RARB: variants seen among roughly 807,000 people sequenced by gnomAD.
RARB encodes the protein HBV-activated protein.
A neutral mutation model predicts 51.9 loss-of-function variants in RARB; 17 were observed. The observed-to-expected ratio is 0.33, with a 90% CI of 0.22 to 0.49. RARB has a LOEUF of 0.49. RARB is among the 20% of genes least tolerant of loss of function. RARB has a pLI of 0.99. For synonymous variants in RARB, 215 were observed against 195.4 expected, an observed-to-expected ratio of 1.10 and a Z score of -0.84; for missense variants, 369 against 550.8, an observed-to-expected ratio of 0.67 and a Z score of 3.30.
intron 2 of RARB, among the ~76,000 whole-genome samples, chr3:24,890,682 G>A (rs1703360825): frequency 6.6e-6 from 1 of 152,158 alleles, no homozygotes; most frequent in Non-Finnish European, 1.5e-5. Flanking sequence ...GAAGAAACCT[G>A]GCTGAATAGA....
chr3:25,328,455 G>C (rs977534002), intron 5 of RARB, among the ~76,000 whole-genome samples: 5 of 152,242 alleles, frequency 3.3e-5, no homozygotes, highest in Admixed American at 1.3e-4. Context: ...AAGAAGCAGA[G>C]GTTGCAGTGA....
intron 2 of RARB, among the ~76,000 whole-genome samples, chr3:24,936,460 A>G (rs1191727294): frequency 6.6e-6 from 1 of 152,224 alleles, no homozygotes; most frequent in Non-Finnish European, 1.5e-5. Flanking sequence ...TTTTCATATT[A>G]GGTTAACCAA....
chr3:25,294,052 A>T (rs1042594873), intron 5 of RARB, among the ~76,000 whole-genome samples: 14 of 152,172 alleles, frequency 9.2e-5, no homozygotes, highest in South Asian at 8.3e-4. Context: ...GGGGATGTTC[A>T]CCGAAGGATT....
rs1450166546 is a variant in RARB, at chr3:25,594,773, T to A, written c.1150+95T>A. 6 of 1,193,342 alleles carry A rather than the reference T, an allele frequency of 5.0e-6. No homozygotes were observed. The Admixed American group carries it at 8.9e-5, about 18-fold the overall frequency. The allele number at this position is 1,193,342 out of a possible 1,614,324, so 73.9% of individuals were successfully genotyped here. A position where few individuals can be genotyped will look rare whatever the true frequency, so the allele number is the denominator to read the frequency against. On this transcript the variant is annotated intron_variant, in intron 7 of 7. Coordinates refer to ENST00000330688, the MANE Select transcript of RARB (RefSeq NM_000965.5). ...TATTCAATTCAGGATGTTTAATGGC[T>A]GCTTTTAAAGTCTTGGAACTCATTT...
At chr3:25,126,355 G>A (rs1466610776) in intron 3 of RARB, among the ~76,000 whole-genome samples, 1 of 152,104 alleles carries the variant, frequency 6.6e-6, no homozygotes, top group Non-Finnish European at 1.5e-5. Flanking sequence ...ACTGGAAAGG[G>A]AAAGAAATCT....
At chr3:25,450,988 G>A (rs142438375) in intron 1 of RARB, among the ~76,000 whole-genome samples, 78 of 152,312 alleles carry the variant, frequency 5.1e-4, no homozygotes, top group African/African-American at 1.7e-3. Context: ...TTGGGAGGCT[G>A]AGGCAGGAGA....
chr3:24,952,743 T>A (rs1234272156), intron 2 of RARB, among the ~76,000 whole-genome samples: 1 of 151,984 alleles, frequency 6.6e-6, no homozygotes, highest in African/African-American at 2.4e-5. Context: ...CCCTCTTTTT[T>A]TCTCCCTTTC....
At chr3:25,044,026 A>T (rs1300735613) in intron 2 of RARB, among the ~76,000 whole-genome samples, 2 of 148,768 alleles carry the variant, frequency 1.3e-5, no homozygotes, top group Admixed American at 6.7e-5. Context: ...AGGTTTTCCC[A>T]TTTTTTTTTT....
chr3:25,469,301 C>G (rs1201458273), intron 2 of RARB, among the ~76,000 whole-genome samples: 2 of 152,144 alleles, frequency 1.3e-5, no homozygotes, highest in African/African-American at 4.8e-5. Flanking sequence ...TTTTATTTGA[C>G]CAAGGCCATT....
At chr3:25,087,776 C>G (rs1317226452) in intron 3 of RARB, among the ~76,000 whole-genome samples, 1 of 151,870 alleles carries the variant, frequency 6.6e-6, no homozygotes, top group African/African-American at 2.4e-5. Flanking sequence ...AATGTTAGAT[C>G]TTAAGGATAA....
intron 3 of RARB, among the ~76,000 whole-genome samples, chr3:25,098,563 T>C (rs1248762340): frequency 1.3e-5 from 2 of 152,184 alleles, no homozygotes; most frequent in Admixed American, 6.5e-5. Context: ...TAGATCAGGA[T>C]TAACAAACTA....
At chr3:25,332,754 C>T (rs1467506275) in intron 5 of RARB, among the ~76,000 whole-genome samples, 1 of 152,174 alleles carries the variant, frequency 6.6e-6, no homozygotes, top group Non-Finnish European at 1.5e-5. Context: ...TTGCAGATGA[C>T]ATGATTGTAT....
intron 4 of RARB, among the ~76,000 whole-genome samples, chr3:25,145,598 T>G (rs184398129): frequency 6.6e-6 from 1 of 152,156 alleles, no homozygotes; most frequent in Non-Finnish European, 1.5e-5. Flanking sequence ...CAGTGGACAT[T>G]AGGCACAAGG....
chr3:25,345,995 G>C (rs1489605564), intron 5 of RARB: 11 of 559,688 alleles, frequency 2.0e-5, no homozygotes, highest in Non-Finnish European at 2.3e-5. Flanking sequence ...CCGATGAGTA[G>C]TTCTTCTGAC....
intron 5 of RARB, among the ~76,000 whole-genome samples, chr3:25,293,853 G>T (rs1380963362): frequency 6.6e-6 from 1 of 152,146 alleles, no homozygotes; most frequent in East Asian, 1.9e-4. Flanking sequence ...CAACCTAGTT[G>T]CATTTTTGAA....
At chr3:25,493,169 G>T (rs562570969) in intron 2 of RARB, among the ~76,000 whole-genome samples, 1 of 151,870 alleles carries the variant, frequency 6.6e-6, no homozygotes, top group African/African-American at 2.4e-5. Context: ...CTGCCTAGAA[G>T]GAAACTCACT....
chr3:25,230,904 T>C (rs1481135693), intron 5 of RARB, among the ~76,000 whole-genome samples: 1 of 152,190 alleles, frequency 6.6e-6, no homozygotes, highest in African/African-American at 2.4e-5. Flanking sequence ...AGGACTACCA[T>C]ATTAGACAAC....
intron 4 of RARB, among the ~76,000 whole-genome samples, chr3:25,573,705 G>A (rs1700805191): frequency 6.6e-6 from 1 of 152,174 alleles, no homozygotes; most frequent in African/African-American, 2.4e-5. Flanking sequence ...GCTTTTTTTA[G>A]ACAGGCAGTT....
At chr3:25,302,213 G>C (rs1383075180) in intron 5 of RARB, among the ~76,000 whole-genome samples, 1 of 152,180 alleles carries the variant, frequency 6.6e-6, no homozygotes, top group African/African-American at 2.4e-5. Flanking sequence ...TTGGAAAACA[G>C]TCTGGCATTT....
Sources: gnomAD v4.1 joint callset for allele counts (sites outside exome capture counted in the v4.1 genomes callset) on GRCh38, gnomAD v4.1.1 for gene constraint, MANE v1.5 for transcripts, NCBI Gene and HGNC (gene_info 2026-07-23, HGNC 2026-07-21) for gene names.